NPAT: variants seen among roughly 807,000 people sequenced by gnomAD.
NPAT encodes the protein protein NPAT.
A neutral mutation model predicts 130.7 loss-of-function variants in NPAT; 52 were observed. The observed-to-expected ratio is 0.40, with a 90% confidence interval of 0.32 to 0.50. NPAT has a LOEUF of 0.50. NPAT is among the 20% of genes least tolerant of loss of function. The pLI is 0.68. For synonymous variants in NPAT, 580 were observed against 584.8 expected, an observed-to-expected ratio of 0.99 and a Z score of 0.12; for missense variants, 1,687 against 1,662.6, an observed-to-expected ratio of 1.01 and a Z score of -0.26.
At position 108,173,591 on chromosome 11, in the gene NPAT, G is replaced by A. The variant is rs776194539; in HGVS notation, c.1393C>T (p.Pro465Ser). 3 of 1,614,140 alleles carry A rather than the reference G, an allele frequency of 1.9e-6. No individual in the cohort carries two copies. The highest frequency in any genetic ancestry group is 2.2e-5 in the South Asian group (2 of 91,080). Residue 465 changes from proline to serine, a missense_variant, in exon 13 of 18, where the codon CCA becomes TCA. Coordinates refer to ENST00000278612, the MANE Select transcript of NPAT (RefSeq NM_002519.3). ...TTGGTGTATAATTCAGCACAATGTGGATTACATTCAGCATTAGAATTCCCT... is the reference window on the plus strand; with the variant it reads ...TTGGTGTATAATTCAGCACAATGTGAATTACATTCAGCATTAGAATTCCCT... The part of the protein sequence containing the change: ...QRGNSNAECN[P>S]HCAELYTNQM...
intron 15 of NPAT, among the ~76,000 whole-genome samples, chr11:108,169,442 A>T (rs895740981): frequency 9.9e-5 from 15 of 152,248 alleles, no homozygotes; most frequent in African/African-American, 3.4e-4. Context: ...TATACGAGGC[A>T]TTCATTAAAC....
rs764186080 is a variant in NPAT at position 108,161,301 on chromosome 11, C to G, written c.3785G>C (p.Ser1262Thr). 3.7e-6 allele frequency: 6 copies of G among 1,614,210 alleles called. No individual in the cohort carries two copies. The South Asian group carries it at 5.5e-5, about 15-fold the overall frequency. ...TGTCCGGGGCACAGGTAAATCACTA[C>G]TATCAGCAAGCCTACTTACTGAGCT... is the stretch of plus-strand genomic sequence containing the variant. ...RHSSVSRLADSSDLPVPRTPG... is the reference protein window; with the variant it reads ...RHSSVSRLADTSDLPVPRTPG... The change falls in exon 17 of 18, where the codon AGT (serine) becomes ACT (threonine). Residue 1262 changes from serine (S) to threonine (T), a missense_variant. By Grantham distance (58) the Ser-to-Thr change is moderately conservative. This residue lies in a region of NPAT where 1,379 missense variants were observed against 1,346.6 expected (regional missense o/e 1.02). Coordinates refer to ENST00000278612, the MANE Select transcript of NPAT (RefSeq NM_002519.3).
chr11:108,205,980 G>C (rs1591414422), intron 1 of NPAT, among the ~76,000 whole-genome samples: 1 of 152,328 alleles, frequency 6.6e-6, no homozygotes, highest in South Asian at 2.1e-4. Flanking sequence ...GGGAGGCAGA[G>C]GCTGCAGTGA....
intron 15 of NPAT, among the ~76,000 whole-genome samples, chr11:108,168,326 C>T (rs999050897): frequency 6.6e-6 from 1 of 152,098 alleles, no homozygotes; most frequent in Non-Finnish European, 1.5e-5. Context: ...ATATAAAATA[C>T]ATTTATGCAA....
intron 1 of NPAT, among the ~76,000 whole-genome samples, chr11:108,206,037 CCT>C (rs1164360923): frequency 6.6e-6 from 1 of 151,914 alleles, no homozygotes; most frequent in Non-Finnish European, 1.5e-5. Context: ...AGAGCGAGAC[CCT>C]GTCTCAAAAA....
chr11:108,177,761 G>C (rs2078022900), intron 10 of NPAT, among the ~76,000 whole-genome samples: 4 of 151,954 alleles, frequency 2.6e-5, no homozygotes. Context: ...TGTCACCCAA[G>C]CTGGAGTGGA....
Position 108,172,712 on chromosome 11 carries a change from T to C in NPAT, c.2272A>G (p.Ser758Gly), listed in dbSNP as rs765414725. The C allele has an allele frequency of 1.2e-6, 2 of 1,613,694 alleles. No homozygotes were observed. Among genetic ancestry groups the C allele is most frequent in the African/African-American group, 1.3e-5 (1 of 75,054 alleles). Residue 758 changes from serine to glycine, a missense_variant, in exon 13 of 18, where the codon AGT becomes GGT. This residue lies in a region of NPAT where 1,379 missense variants were observed against 1,346.6 expected (regional missense o/e 1.02). Coordinates refer to ENST00000278612, the MANE Select transcript of NPAT (RefSeq NM_002519.3). Reference sequence around the variant, plus strand: ...TCTCCATTAATACTAGAAACAGCACTGGTAAGTTCAGTATCTGAGGAAACA... The same window carrying C: ...TCTCCATTAATACTAGAAACAGCACCGGTAAGTTCAGTATCTGAGGAAACA... Reference protein sequence around the residue: ...PFVSSDTELTSAVSSINGENL... With the variant: ...PFVSSDTELTGAVSSINGENL...
At chr11:108,180,966 T>C (rs1480166806) in intron 10 of NPAT, among the ~76,000 whole-genome samples, 1 of 152,218 alleles carries the variant, frequency 6.6e-6, no homozygotes, top group African/African-American at 2.4e-5. Flanking sequence ...ATTCTACTTA[T>C]GTGAGGTATG....
chr11:108,210,696 AC>A (rs2078376124), intron 1 of NPAT, among the ~76,000 whole-genome samples: 1 of 152,220 alleles, frequency 6.6e-6, no homozygotes, highest in South Asian at 2.1e-4. Context: ...CAGACCTATA[AC>A]AAGAAATGGA....
Position 108,222,635 on chromosome 11 carries a change from C to T in NPAT, c.-99G>A, listed in dbSNP as rs986951413. ...CCGCATCTCCTGGTTCCAGTGGCGG[C>T]ACTGAACTCGCGGCAATTTGTCCCG... On this transcript the variant is annotated 5_prime_UTR_variant, in exon 1 of 18. Coordinates refer to ENST00000278612, the MANE Select transcript of NPAT (RefSeq NM_002519.3). The T allele has an allele frequency of 7.5e-7, 1 of 1,338,408 alleles. No individual in the cohort carries two copies. The highest frequency in any genetic ancestry group is 1.1e-6 in the Non-Finnish European group (1 of 945,798). 82.9% of individuals were successfully genotyped at this position (1,338,408 alleles called of 1,614,324 possible).
In NPAT at chr11:108,222,577, C is replaced by G. The variant is rs1216766743; in HGVS notation, c.-41G>C. The G allele has an allele frequency of 1.2e-6, 2 of 1,611,144 alleles. No homozygotes were observed. The highest frequency in any genetic ancestry group is 1.3e-5 in the African/African-American group (1 of 75,002). ...AGGAACCACAATAAGGAACAAGACTCAGGTTAAAGCAAACACAGCGACAGC... is the reference window on the plus strand; with the variant it reads ...AGGAACCACAATAAGGAACAAGACTGAGGTTAAAGCAAACACAGCGACAGC... On this transcript the variant is annotated 5_prime_UTR_variant, in exon 1 of 18. Coordinates refer to ENST00000278612, the MANE Select transcript of NPAT (RefSeq NM_002519.3).
intron 1 of NPAT, among the ~76,000 whole-genome samples, chr11:108,210,944 G>C (rs529290642): frequency 6.6e-6 from 1 of 152,314 alleles, no homozygotes; most frequent in Admixed American, 6.5e-5. Context: ...ATGGGAGCCA[G>C]GGTCAATGGC....
chr11:108,177,159 T>C, intron 10 of NPAT, 69 bp from the exon 11 acceptor site: 1 of 695,214 alleles, frequency 1.4e-6, no homozygotes, highest in Non-Finnish European at 2.3e-6. Context: ...ATTATATATA[T>C]ATAAGACAGG....
At chr11:108,205,837 G>GT (rs2078320289) in intron 1 of NPAT, among the ~76,000 whole-genome samples, 2 of 152,138 alleles carry the variant, frequency 1.3e-5, no homozygotes, top group Non-Finnish European at 2.9e-5. Context: ...GAGGCCAGGA[G>GT]TTTGAGACCA....
At chr11:108,195,759 C>T (rs945592723) in intron 2 of NPAT, among the ~76,000 whole-genome samples, 3 of 152,254 alleles carry the variant, frequency 2.0e-5, no homozygotes, top group Non-Finnish European at 4.4e-5. Context: ...TCCCAAGCAG[C>T]TGGGACTAAG....
chr11:108,185,558 A>C (rs2078099250), intron 8 of NPAT, 64 bp from the exon 9 acceptor site: 1 of 1,114,014 alleles, frequency 9.0e-7, no homozygotes. Flanking sequence ...TAATATTTAT[A>C]AGAAAAGAAC....
Position 108,161,546 on chromosome 11 carries a change from ATTTTTC to A in NPAT, c.3534_3539del (p.Gln1178_Asn1180delinsHis). On this transcript the variant is annotated inframe_deletion, in exon 17 of 18. Transcript: ENST00000278612. ...CAATAGATAGTTTTGAATTTTCTGG[ATTTTTC>A]TGTCTTTCTACATCGCTGCATAATT... 1 of 1,614,062 alleles carries A rather than the reference ATTTTTC, an allele frequency of 6.2e-7. No homozygotes were observed. The highest frequency in any genetic ancestry group is 1.1e-5 in the South Asian group (1 of 91,074).
At chr11:108,203,753 G>C (rs923604838) in intron 1 of NPAT, among the ~76,000 whole-genome samples, 3 of 152,094 alleles carry the variant, frequency 2.0e-5, no homozygotes, top group Non-Finnish European at 4.4e-5. Context: ...AAGTTTAACT[G>C]TCCCCATACA....
Position 108,169,789 on chromosome 11 carries a change from G to A in NPAT, c.2965C>T (p.Pro989Ser), listed in dbSNP as rs1203728434. 3 of 1,613,862 alleles carry A rather than the reference G, an allele frequency of 1.9e-6. No homozygotes were observed. The change falls in exon 15 of 18, where the codon CCA (proline) becomes TCA (serine). Residue 989 changes from proline (P) to serine (S), a missense_variant. This residue lies in a region of NPAT where 1,379 missense variants were observed against 1,346.6 expected (regional missense o/e 1.02). Coordinates refer to ENST00000278612, the MANE Select transcript of NPAT (RefSeq NM_002519.3). Reference sequence around the variant, plus strand: ...AGTCCCTGAGCCTTCTGAGATTTTGGAGGGACGGGGAATTGAGGGATACTT... The same window carrying A: ...AGTCCCTGAGCCTTCTGAGATTTTGAAGGGACGGGGAATTGAGGGATACTT... ...NRSIPQFPVPPKSQKAQGLRN... is the reference protein window; with the variant it reads ...NRSIPQFPVPSKSQKAQGLRN...
Sources: allele counts gnomAD v4.1 joint callset (sites outside exome capture counted in the v4.1 genomes callset), GRCh38; gene constraint gnomAD v4.1.1; regional missense constraint gnomAD v4.1.1; transcripts MANE v1.5; gene names NCBI Gene and HGNC (gene_info 2026-07-23, HGNC 2026-07-21).